Variants in MED12L observed in about 807,000 individuals in gnomAD.
The protein encoded by MED12L is mediator complex subunit 12L, also known as mediator of RNA polymerase II transcription subunit 12-like protein.
A neutral mutation model predicts 281.3 loss-of-function variants in MED12L; 60 were observed. That is an observed-to-expected ratio of 0.21 (90% CI 0.17 to 0.26). The LOEUF (loss-of-function observed/expected upper bound fraction) is 0.26, where lower values mean the gene tolerates loss of function less well. MED12L is among the 10% of genes least tolerant of loss of function. MED12L has a pLI of 1.00. For synonymous variants in MED12L, 974 were observed against 987.2 expected, an observed-to-expected ratio of 0.99 and a Z score of 0.25; for missense variants, 2,146 against 2,680.9, an observed-to-expected ratio of 0.80 and a Z score of 4.41.
rs530481538 is a variant in MED12L at position 151,232,057 on chromosome 3, G to A, written c.2250+38391G>A. Among the ~76,000 whole-genome samples the A allele has an allele frequency of 4.6e-5, 7 of 152,288 alleles. No homozygotes were observed. In the South Asian group the frequency reaches 1.2e-3, roughly 27 times the overall value. ...GGGTCCTGTGCTCCGTGCCTGACAGGTAACGAATGCCTAATAACAGTCTCC... is the reference window on the plus strand; with the variant it reads ...GGGTCCTGTGCTCCGTGCCTGACAGATAACGAATGCCTAATAACAGTCTCC... On this transcript the variant is annotated intron_variant, in intron 16 of 44. Coordinates refer to ENST00000687756, the MANE Select transcript of MED12L (RefSeq NM_001393769.1).
intron 16 of MED12L, among the ~76,000 whole-genome samples, chr3:151,320,968 A>G (rs1266403442): frequency 6.6e-6 from 1 of 152,230 alleles, no homozygotes; most frequent in Non-Finnish European, 1.5e-5. Context: ...TAATCTATTC[A>G]GGATAAATAT....
intron 16 of MED12L, among the ~76,000 whole-genome samples, chr3:151,231,903 G>C (rs1731744540): frequency 6.6e-6 from 1 of 152,186 alleles, no homozygotes; most frequent in African/African-American, 2.4e-5. Flanking sequence ...TTCAGTACAA[G>C]AAAACAAAGT....
chr3:151,125,310 G>A (rs778223852), intron 4 of MED12L, among the ~76,000 whole-genome samples: 21 of 152,064 alleles, frequency 1.4e-4, no homozygotes, highest in Non-Finnish European at 1.3e-4. Flanking sequence ...TCTTAATTCC[G>A]AAGTCTTGAT....
At chr3:151,093,944 T>A (rs554737236) in intron 2 of MED12L, among the ~76,000 whole-genome samples, 1 of 152,336 alleles carries the variant, frequency 6.6e-6, no homozygotes, top group East Asian at 1.9e-4. Flanking sequence ...AGATGAAATG[T>A]GATCCTTTAG....
chr3:151,182,297 T>G (rs201085381), intron 11 of MED12L, among the ~76,000 whole-genome samples: 13 of 121,166 alleles, frequency 1.1e-4, no homozygotes, highest in African/African-American at 3.7e-4. Flanking sequence ...TTAGAATGAG[T>G]TTTTTTTTTT....
chr3:151,395,438 C>G (rs1244333100), intron 39 of MED12L, among the ~76,000 whole-genome samples: 5 of 152,080 alleles, frequency 3.3e-5, no homozygotes, highest in African/African-American at 9.7e-5. Context: ...ATTTTTGTGG[C>G]CTATAACTCA....
At chr3:151,170,127 C>T (rs1358790228) in intron 11 of MED12L, among the ~76,000 whole-genome samples, 1 of 152,160 alleles carries the variant, frequency 6.6e-6, no homozygotes, top group African/African-American at 2.4e-5. Context: ...GGGATGAAGG[C>T]ATCCGAGGCC....
At position 151,356,816 on chromosome 3, in the gene MED12L, A is replaced by C. The variant is rs755025600; in HGVS notation, c.2662-397A>C. Reference sequence around the variant, plus strand: ...TCATTATTTCCTTCTGCTATTAGCAAACAGAAATAAGACTTGGTTTCCTTT... The same window carrying C: ...TCATTATTTCCTTCTGCTATTAGCACACAGAAATAAGACTTGGTTTCCTTT... On this transcript the variant is annotated intron_variant, in intron 19 of 44. Coordinates refer to ENST00000687756, the MANE Select transcript of MED12L (RefSeq NM_001393769.1). Among the ~76,000 whole-genome samples the C allele has an allele frequency of 1.3e-3, 198 of 152,222 alleles. 2 individuals are homozygous for C. Among genetic ancestry groups the C allele is most frequent in the Non-Finnish European group, 2.9e-4 (20 of 68,030 alleles).
At chr3:151,332,839 A>C (rs1473846776) in intron 16 of MED12L, among the ~76,000 whole-genome samples, 1 of 152,076 alleles carries the variant, frequency 6.6e-6, no homozygotes, top group African/African-American at 2.4e-5. Context: ...TTATTTTGTC[A>C]CCCAGGTGAT....
chr3:151,267,095 C>A (rs934745638), intron 16 of MED12L, among the ~76,000 whole-genome samples: 13 of 152,168 alleles, frequency 8.5e-5, no homozygotes, highest in African/African-American at 3.1e-4. Flanking sequence ...TCATTTCTTG[C>A]GTGTTAGAAC....
rs142201979 is a variant in MED12L, at chr3:151,199,787, A to G, written c.2250+6121A>G. Among the ~76,000 whole-genome samples, 261 of 152,224 alleles carry G rather than the reference A, an allele frequency of 1.7e-3. 1 individual carries two copies. Among genetic ancestry groups the G allele is most frequent in the African/African-American group, 5.7e-3 (237 of 41,556 alleles). On this transcript the variant is annotated intron_variant, in intron 16 of 44. Coordinates refer to ENST00000687756, the MANE Select transcript of MED12L (RefSeq NM_001393769.1). ...TTCTGAGAAGTAGAGAGAGGAAACT[A>G]GGGTTGTGGTTGAGCATGAAGAGCT... is the stretch of plus-strand genomic sequence containing the variant.
intron 16 of MED12L, among the ~76,000 whole-genome samples, chr3:151,346,428 C>G (rs553538047): frequency 6.4e-4 from 98 of 152,250 alleles, no homozygotes; most frequent in Non-Finnish European, 1.1e-3. Context: ...GGTCACTTCC[C>G]TATCTTCACC....
At chr3:151,220,152 G>A (rs1003890709) in intron 16 of MED12L, among the ~76,000 whole-genome samples, 6 of 148,318 alleles carry the variant, frequency 4.0e-5, no homozygotes, top group Non-Finnish European at 7.4e-5. Flanking sequence ...CCCAAGTTGC[G>A]GTAATCAAAA....
intron 11 of MED12L, among the ~76,000 whole-genome samples, chr3:151,178,548 G>A (rs987027669): frequency 2.0e-5 from 3 of 152,184 alleles, no homozygotes; most frequent in Non-Finnish European, 4.4e-5. Context: ...TACCTACCCA[G>A]GTTCTTTTGA....
chr3:151,186,903 C>T (rs1333499131), intron 12 of MED12L, among the ~76,000 whole-genome samples: 2 of 152,190 alleles, frequency 1.3e-5, no homozygotes, highest in Admixed American at 6.5e-5. Flanking sequence ...GAATAGTGCT[C>T]ACTGCATAGT....
intron 39 of MED12L, among the ~76,000 whole-genome samples, chr3:151,400,249 T>G (rs1424624378): frequency 6.6e-6 from 1 of 152,242 alleles, no homozygotes; most frequent in Non-Finnish European, 1.5e-5. Context: ...TTTATCCTGA[T>G]TTTTTCTTTC....
chr3:151,358,185 T>C (rs1015948778), intron 20 of MED12L, among the ~76,000 whole-genome samples: 5 of 152,154 alleles, frequency 3.3e-5, no homozygotes, highest in African/African-American at 1.2e-4. Context: ...GTAGCTATTC[T>C]GGGAAAGAGG....
rs1426615387 is a variant in MED12L, at chr3:151,434,036, TA to T, written c.*1233del. The T allele has an allele frequency of 6.6e-6, 1 of 152,618 alleles. No homozygotes were observed. Among genetic ancestry groups the T allele is most frequent in the African/African-American group, 2.4e-5 (1 of 41,460 alleles). 9.5% of individuals were successfully genotyped at this position (152,618 alleles called of 1,614,324 possible). A position where few individuals can be genotyped will look rare whatever the true frequency, so the allele number is the denominator to read the frequency against. On this transcript the variant is annotated 3_prime_UTR_variant, in exon 45 of 45. Transcript: ENST00000687756. The stretch of plus-strand genomic sequence containing the variant: ...TGTAACTTAAGAGTATTCTATATAA[TA>T]TTTTTTTAGATTTAGATGCATAAAA...
At chr3:151,134,896 A>G (rs1208037300) in intron 5 of MED12L, among the ~76,000 whole-genome samples, 1 of 152,074 alleles carries the variant, frequency 6.6e-6, no homozygotes, top group Non-Finnish European at 1.5e-5. Context: ...TGTTTGCCAG[A>G]GTGAGATATG....
Sources: gnomAD v4.1 joint callset for allele counts (sites outside exome capture counted in the v4.1 genomes callset) on GRCh38, gnomAD v4.1.1 for gene constraint, MANE v1.5 for transcripts, NCBI Gene and HGNC (gene_info 2026-07-23, HGNC 2026-07-21) for gene names.